The following CREB5 variants were observed in gnomAD, a reference collection of about 807,000 sequenced individuals.
CREB5 encodes cyclic AMP-responsive element-binding protein 5.
CREB5 carries 19 observed loss-of-function variants against 57.1 expected under a neutral mutation model. That is an observed-to-expected ratio of 0.33 (90% confidence interval 0.23 to 0.49). The LOEUF (loss-of-function observed/expected upper bound fraction) is 0.49. Ranked by LOEUF, CREB5 falls within the 20% of genes least tolerant of loss-of-function variation. The pLI is 0.99. For synonymous variants in CREB5, 238 were observed against 238.3 expected, an observed-to-expected ratio of 1.00 and a Z score of 0.01; for missense variants, 579 against 671.6, an observed-to-expected ratio of 0.86 and a Z score of 1.52.
intron 4 of CREB5, among the ~76,000 whole-genome samples, chr7:28,531,061 T>G (rs1793706827): frequency 6.6e-6 from 1 of 151,948 alleles, no homozygotes; most frequent in Non-Finnish European, 1.5e-5. Flanking sequence ...TTTTTCCCAG[T>G]GGGTGGCGGG....
intron 1 of CREB5, among the ~76,000 whole-genome samples, chr7:28,485,151 G>A (rs2128591900): frequency 6.6e-6 from 1 of 152,276 alleles, no homozygotes; most frequent in East Asian, 1.9e-4. Context: ...ATACTTAAGT[G>A]TCTGGGCTTG....
chr7:28,367,203 C>T (rs60905221), intron 1 of CREB5, among the ~76,000 whole-genome samples: 2,242 of 152,130 alleles, frequency 0.015, 47 homozygotes, highest in African/African-American at 0.051. Flanking sequence ...TTTTGGCCAT[C>T]TCTTCATCAG....
At chr7:28,668,328 A>G (rs1799904599) in intron 5 of CREB5, among the ~76,000 whole-genome samples, 1 of 152,220 alleles carries the variant, frequency 6.6e-6, no homozygotes, top group Admixed American at 6.5e-5. Context: ...TTGCATTCCA[A>G]AATGAAGGGT....
At chr7:28,567,475 C>G (rs1357306338) in intron 4 of CREB5, among the ~76,000 whole-genome samples, 1 of 152,232 alleles carries the variant, frequency 6.6e-6, no homozygotes, top group Non-Finnish European at 1.5e-5. Context: ...ATATCAGGCA[C>G]TAAGCTAGGC....
At chr7:28,502,837 A>T (rs116082633) in intron 3 of CREB5, among the ~76,000 whole-genome samples, 1,715 of 152,256 alleles carry the variant, frequency 0.011, 20 homozygotes, top group African/African-American at 0.038. Context: ...GTGATTTGTC[A>T]CTTTGACTTT....
At chr7:28,389,114 T>G (rs1787163304) in intron 1 of CREB5, among the ~76,000 whole-genome samples, 1 of 152,200 alleles carries the variant, frequency 6.6e-6, no homozygotes, top group Non-Finnish European at 1.5e-5. Flanking sequence ...CAGAGCTTTC[T>G]CACATGCAAA....
At chr7:28,498,465 G>T (rs1792142541) in intron 3 of CREB5, among the ~76,000 whole-genome samples, 1 of 152,160 alleles carries the variant, frequency 6.6e-6, no homozygotes, top group East Asian at 1.9e-4. Context: ...TATTGTAGTT[G>T]GGGAAGGTGT....
intron 1 of CREB5, among the ~76,000 whole-genome samples, chr7:28,423,667 G>C (rs1455203898): frequency 5.3e-5 from 8 of 152,078 alleles, no homozygotes; most frequent in Non-Finnish European, 1.0e-4. Flanking sequence ...GTGAATTGGG[G>C]GATGGATTCT....
At chr7:28,324,139 C>T (rs1306359595) in intron 1 of CREB5, among the ~76,000 whole-genome samples, 2 of 152,122 alleles carry the variant, frequency 1.3e-5, no homozygotes, top group Non-Finnish European at 2.9e-5. Flanking sequence ...GAACCCTGGT[C>T]GAAGGGATAC....
At chr7:28,358,365 G>A (rs889564544) in intron 1 of CREB5, among the ~76,000 whole-genome samples, 11 of 152,198 alleles carry the variant, frequency 7.2e-5, no homozygotes, top group African/African-American at 2.2e-4. Flanking sequence ...CCCAGCTGAG[G>A]CAGCTGCTGT....
intron 1 of CREB5, among the ~76,000 whole-genome samples, chr7:28,402,264 A>AT (rs1421881163): frequency 6.6e-6 from 1 of 151,876 alleles, no homozygotes; most frequent in Non-Finnish European, 1.5e-5. Flanking sequence ...GGGTTCTTTG[A>AT]TTTTTTTCTT....
At chr7:28,532,685 C>T (rs1793781869) in intron 4 of CREB5, among the ~76,000 whole-genome samples, 2 of 152,212 alleles carry the variant, frequency 1.3e-5, no homozygotes, top group Admixed American at 1.3e-4. Context: ...TTTACTACAA[C>T]TACAAACACA....
chr7:28,749,842 A>G (rs2079277444), intron 7 of CREB5, among the ~76,000 whole-genome samples: 1 of 152,180 alleles, frequency 6.6e-6, no homozygotes. Context: ...TGCAAGATAA[A>G]TAGTTTTACA....
chr7:28,643,751 T>TCG (rs5883161), intron 5 of CREB5, among the ~76,000 whole-genome samples: 22,264 of 133,340 alleles, frequency 0.17, 1,917 homozygotes, highest in Middle Eastern at 0.21. Flanking sequence ...GTTTGGGAGG[T>TCG]GGGGGGGGGC....
intron 8 of CREB5, 134 bp from the exon 9 acceptor site, chr7:28,809,053 G>A (rs1222481574): frequency 5.7e-6 from 4 of 703,066 alleles, no homozygotes; most frequent in East Asian, 5.4e-5. Context: ...TTCATTCATA[G>A]GAGGCAAGTC....
At chr7:28,720,332 A>G (rs1012630250) in intron 6 of CREB5, among the ~76,000 whole-genome samples, 1 of 152,206 alleles carries the variant, frequency 6.6e-6, no homozygotes, top group African/African-American at 2.4e-5. Context: ...TTGTTATTTC[A>G]TTTTATTCTC....
At chr7:28,746,120 A>G (rs1475524465) in intron 7 of CREB5, among the ~76,000 whole-genome samples, 1 of 152,208 alleles carries the variant, frequency 6.6e-6, no homozygotes, top group Non-Finnish European at 1.5e-5. Flanking sequence ...AATTTCCTTT[A>G]GAAGTTGATC....
chr7:28,367,266 A>C (rs1303734085), intron 1 of CREB5, among the ~76,000 whole-genome samples: 1 of 152,174 alleles, frequency 6.6e-6, no homozygotes, highest in Admixed American at 6.5e-5. Context: ...GCAAGCTCAG[A>C]GTCGTACATA....
chr7:28,776,258 A>G (rs1003855895), intron 7 of CREB5, among the ~76,000 whole-genome samples: 23 of 151,006 alleles, frequency 1.5e-4, no homozygotes, highest in Non-Finnish European at 4.4e-5. Context: ...GAACGGCGTG[A>G]TCCCGGGAGG....
Sources: gnomAD v4.1 joint callset for allele counts (sites outside exome capture counted in the v4.1 genomes callset) on GRCh38, gnomAD v4.1.1 for gene constraint, MANE v1.5 for transcripts, NCBI Gene and HGNC (gene_info 2026-07-23, HGNC 2026-07-21) for gene names.